Variants in KPNA7 observed in about 807,000 individuals in gnomAD.
KPNA7 encodes karyopherin subunit alpha 7, also known as importin subunit alpha-8.
In KPNA7, 54 loss-of-function variants were observed where a neutral mutation model predicts 53.7. That is an observed-to-expected ratio of 1.01 (90% CI 0.81 to 1.26). The LOEUF is 1.26. KPNA7 is among the 50% of genes most tolerant of loss of function. KPNA7 has a pLI of 0.00. For synonymous variants in KPNA7, 276 were observed against 259.3 expected (o/e 1.06, Z -0.62); for missense variants, 640 against 644.5 (o/e 0.99, Z 0.07).
downstream of KPNA7, among the ~76,000 whole-genome samples, chr7:99,170,304 A>G (rs13244262): frequency 0.15 from 22,218 of 152,126 alleles, 1,797 homozygotes; most frequent in East Asian, 0.25. Context: ...GCTAATGAAG[A>G]AGGAGGCTTG....
At chr7:99,198,345 C>A (rs1790335480) in intron 3 of KPNA7, among the ~76,000 whole-genome samples, 1 of 152,026 alleles carries the variant, frequency 6.6e-6, no homozygotes, top group Non-Finnish European at 1.5e-5. Context: ...AAGCTAATAT[C>A]CCTTATAACT....
intron 2 of KPNA7, among the ~76,000 whole-genome samples, chr7:99,204,599 G>C (rs1315499063): frequency 6.6e-6 from 1 of 152,092 alleles, no homozygotes; most frequent in African/African-American, 2.4e-5. Flanking sequence ...TCATCAGCCG[G>C]GCACCGTGGC....
chr7:99,206,250 T>G (rs982140380), intron 2 of KPNA7, among the ~76,000 whole-genome samples: 1 of 152,080 alleles, frequency 6.6e-6, no homozygotes, highest in Non-Finnish European at 1.5e-5. Context: ...AACCTCCACC[T>G]CCCAGGTTCA....
intron 2 of KPNA7, among the ~76,000 whole-genome samples, chr7:99,203,727 T>C (rs1790663921): frequency 1.3e-5 from 2 of 152,130 alleles, no homozygotes; most frequent in Admixed American, 6.6e-5. Flanking sequence ...TGTTTTCTTT[T>C]TGAGATGGAG....
intron 3 of KPNA7, among the ~76,000 whole-genome samples, chr7:99,198,525 G>GA (rs979628325): frequency 2.6e-5 from 4 of 151,434 alleles, no homozygotes; most frequent in Admixed American, 6.6e-5. Flanking sequence ...AAAGGGGGGG[G>GA]AACCCACATG....
chr7:99,196,425 T>C (rs764444920), intron 3 of KPNA7, among the ~76,000 whole-genome samples: 2 of 152,186 alleles, frequency 1.3e-5, no homozygotes, highest in Non-Finnish European at 2.9e-5. Context: ...GCAGTAAGAA[T>C]GTGCTAGTGG....
the KPNA7 span, among the ~76,000 whole-genome samples, chr7:99,153,946 T>A: frequency 7.9e-5 from 12 of 151,988 alleles, no homozygotes; most frequent in Admixed American, 6.6e-5. Flanking sequence ...TCAGCCTGGG[T>A]GACAGAGAGT....
chr7:99,215,123 C>G (rs1791183089), intron 1 of KPNA7, among the ~76,000 whole-genome samples: 1 of 151,926 alleles, frequency 6.6e-6, no homozygotes, highest in Non-Finnish European at 1.5e-5. Context: ...CCTGTAATTC[C>G]AGCACTTTGG....
intron 3 of KPNA7, among the ~76,000 whole-genome samples, chr7:99,196,722 C>T: frequency 6.6e-6 from 1 of 152,036 alleles, no homozygotes; most frequent in Non-Finnish European, 1.5e-5. Context: ...TGTGAAAAAC[C>T]AACAGCCTCC....
rs569590477 is a variant in KPNA7, at chr7:99,197,509, G to A, written c.202-1343C>T. On this transcript the variant is annotated intron_variant, in intron 3 of 10. Transcript: ENST00000327442. ...AGCAATCAATAGCAATAGTCCCTGA[G>A]GAGACCAGATGTTGAACTAGACAAA... Among the ~76,000 whole-genome samples the A allele has an allele frequency of 2.8e-3, 428 of 152,212 alleles. 1 individual carries two copies. The highest frequency in any genetic ancestry group is 9.6e-3 in the African/African-American group (398 of 41,532).
rs1301248071 is a variant in KPNA7, at chr7:99,203,129, CAGA to C, written c.175_177del (p.Ser59del). ...ACCGCCACCCCTTTGGCTGTTTTTT[CAGA>C]AGGTGTGTCAGGGCAGAAGCTCGTG... On this transcript the variant is annotated inframe_deletion, in exon 3 of 11. Coordinates refer to ENST00000327442, the MANE Select transcript of KPNA7 (RefSeq NM_001145715.3). The C allele has an allele frequency of 1.9e-6, 3 of 1,551,462 alleles. No homozygotes were observed. The highest frequency in any genetic ancestry group is 2.4e-5 in the East Asian group (1 of 40,936).
At chr7:99,154,278 G>A in the KPNA7 span, among the ~76,000 whole-genome samples, 1,659 of 151,770 alleles carry the variant, frequency 0.011, 15 homozygotes, top group Middle Eastern at 0.038. Context: ...ACAGGTGCCC[G>A]CCACCACACC....
the KPNA7 span, among the ~76,000 whole-genome samples, chr7:99,151,822 A>G: frequency 6.6e-6 from 1 of 152,148 alleles, no homozygotes; most frequent in Non-Finnish European, 1.5e-5. Flanking sequence ...TAAAAGATCA[A>G]CAAGATATAG....
the KPNA7 span, among the ~76,000 whole-genome samples, chr7:99,153,038 C>T: frequency 1.3e-5 from 2 of 152,062 alleles, no homozygotes; most frequent in African/African-American, 2.4e-5. Context: ...TTTATAATAA[C>T]GGGCTGGTCT....
At position 99,181,897 on chromosome 7, in the gene KPNA7, A is replaced by G; in HGVS notation, c.1303T>C (p.Ser435Pro). 1 of 1,546,078 alleles carries G rather than the reference A, an allele frequency of 6.5e-7. No individual in the cohort carries two copies. Among genetic ancestry groups the G allele is most frequent in the South Asian group, 1.2e-5 (1 of 83,724 alleles). ...GAACGGCTCACCTGGAGGATGCAAG[A>G]GATGACATCAAGGATGATGAGAACA... is the stretch of plus-strand genomic sequence containing the variant. ...KIVLIILDVISCILQAAEKRS... is the reference protein window; with the variant it reads ...KIVLIILDVIPCILQAAEKRS... The change falls in exon 9 of 11, where the codon TCT (serine) becomes CCT (proline). Residue 435 changes from serine (S) to proline (P), a missense_variant. Transcript: ENST00000327442.
the KPNA7 span, among the ~76,000 whole-genome samples, chr7:99,146,708 T>C: frequency 1.1e-5 from 1 of 94,636 alleles, no homozygotes; most frequent in African/African-American, 4.7e-5. Flanking sequence ...CGAGACTGTG[T>C]CTTAAAAAAA....
Position 99,185,023 on chromosome 7 carries a change from C to T in KPNA7, c.1040G>A (p.Trp347Ter). ...CCCCGCTGCTACGTTGCTCAGGGCC[C>T]AGGCTGCCTCCTTCTGGATGGAGGG... ...NKPSIQKEAA[W>*]ALSNVAAGPC... is the part of the protein sequence containing the mutation. The change falls in exon 8 of 11, where the codon TGG (tryptophan) becomes TAG (stop). Residue 347 changes from tryptophan (W) to a stop codon, truncating the protein, a stop_gained. Transcript: ENST00000327442. LOFTEE classifies it high-confidence loss of function. The T allele has an allele frequency of 6.4e-7, 1 of 1,551,916 alleles. No individual in the cohort carries two copies. Among genetic ancestry groups the T allele is most frequent in the African/African-American group, 1.4e-5 (1 of 73,176 alleles).
chr7:99,175,935 T>A (rs1232634456), intron 10 of KPNA7, among the ~76,000 whole-genome samples: 1 of 152,132 alleles, frequency 6.6e-6, no homozygotes, highest in Non-Finnish European at 1.5e-5. Context: ...CTAAGAGAAG[T>A]GTCACTCTGT....
chr7:99,188,652 T>C (rs994070673), intron 6 of KPNA7, 89 bp from the exon 7 acceptor site: 60 of 1,277,806 alleles, frequency 4.7e-5, no homozygotes, highest in Non-Finnish European at 6.4e-5. Context: ...ATCAATACCA[T>C]AGATCAGCAT....
Sources: gnomAD v4.1 joint callset for allele counts (sites outside exome capture counted in the v4.1 genomes callset) on GRCh38, gnomAD v4.1.1 for gene constraint, MANE v1.5 for transcripts, NCBI Gene and HGNC (gene_info 2026-07-23, HGNC 2026-07-21) for gene names.